Variants in DNMT3A observed in about 807,000 individuals in gnomAD.
The protein encoded by DNMT3A is DNA (cytosine-5)-methyltransferase 3A.
In DNMT3A, 267 loss-of-function variants were observed where a neutral mutation model predicts 117.6. That is an observed-to-expected ratio of 2.27 (90% CI 2.05 to 2.51). DNMT3A has a LOEUF of 2.51. DNMT3A is among the 30% of genes most tolerant of loss of function. The probability of loss-of-function intolerance (pLI) is 0.00; values close to 1 mark genes in which losing one functional copy is unlikely to be tolerated. For missense variants in DNMT3A, 1,029 were observed against 1,260.2 expected, an observed-to-expected ratio of 0.82 and a Z score of 2.78; for synonymous variants, 432 against 474.8, an observed-to-expected ratio of 0.91 and a Z score of 1.17.
In DNMT3A at chr2:25,248,100, G is replaced by A. The variant is rs756740383; in HGVS notation, c.792C>T (p.Pro264=). The part of the protein sequence containing the change: ...ASPTVATTPE[P]VGSDAGDKNA... ...TCTTGTCCCCAGCATCGGACCCCAC[G>A]GGCTCAGGCGTGGTAGCCACAGTGG... The change falls in exon 7 of 23, where the codon CCC becomes CCT. Residue 264 remains proline (P), a synonymous_variant. Coordinates refer to ENST00000321117, the MANE Select transcript of DNMT3A (RefSeq NM_022552.5). 4.0e-5 allele frequency: 64 copies of A among 1,613,156 alleles called. No homozygotes were observed. Among genetic ancestry groups the A allele is most frequent in the Non-Finnish European group, 4.4e-5 (52 of 1,179,974 alleles).
intron 6 of DNMT3A, among the ~76,000 whole-genome samples, chr2:25,271,913 G>A (rs543693212): frequency 5.3e-5 from 8 of 152,220 alleles, no homozygotes; most frequent in Non-Finnish European, 1.2e-4. Flanking sequence ...GCTGGAGCCA[G>A]GTGATGGCAA....
At chr2:25,292,634 T>C (rs532962431) in intron 3 of DNMT3A, among the ~76,000 whole-genome samples, 129 of 152,290 alleles carry the variant, frequency 8.5e-4, no homozygotes, top group Non-Finnish European at 1.5e-3. Flanking sequence ...TCCTCTGCCT[T>C]TGTCTCTGCA....
chr2:25,290,119 A>G (rs1490313265), intron 3 of DNMT3A, among the ~76,000 whole-genome samples: 2 of 152,120 alleles, frequency 1.3e-5, no homozygotes, highest in Non-Finnish European at 2.9e-5. Context: ...CTGCCACCAC[A>G]CCTAACTTTT....
intron 13 of DNMT3A, 83 bp downstream of exon 13, chr2:25,245,170 T>C: frequency 7.4e-7 from 1 of 1,356,456 alleles, no homozygotes; most frequent in Non-Finnish European, 1.0e-6. Context: ...ACCCTGTACA[T>C]GCCCAGAAGC....
chr2:25,296,644 GTGTT>G lies in DNMT3A; in HGVS notation c.177+3491_177+3494del, dbSNP rs1485049089. Among the ~76,000 whole-genome samples the G allele has an allele frequency of 6.6e-6, 1 of 152,386 alleles. No individual in the cohort carries two copies. Among genetic ancestry groups the G allele is most frequent in the East Asian group, 1.9e-4 (1 of 5,192 alleles). ...ATGGTCAGTGCTCAGGAAGTGGAAAGTGTTTGTCGTGAAGGGAGCACACTGGCCT... is the reference window on the plus strand; with the variant it reads ...ATGGTCAGTGCTCAGGAAGTGGAAAGTGTCGTGAAGGGAGCACACTGGCCT... On this transcript the variant is annotated intron_variant, in intron 3 of 22. Transcript: ENST00000321117. The surrounding 1 kb of genome is among the most constrained non-coding windows in gnomAD (Gnocchi z 4.2).
chr2:25,239,151 C>T lies in DNMT3A; in HGVS notation c.2387G>A (p.Gly796Asp), dbSNP rs781138077. 10 of 1,613,918 alleles carry T rather than the reference C, an allele frequency of 6.2e-6. No individual in the cohort carries two copies. The highest frequency in any genetic ancestry group is 1.7e-5 in the Admixed American group (1 of 59,996). The change falls in exon 20 of 23, where the codon GGT becomes GAT. Residue 796 changes from glycine to aspartate, a missense_variant. By Grantham distance (94) the Gly-to-Asp change is moderately conservative. Transcript: ENST00000321117. Reference protein sequence around the residue: ...SAAHRARYFWGNLPGMNRPLA... With the variant: ...SAAHRARYFWDNLPGMNRPLA... ...CAACCTGTTCATACCGGGAAGGTTA[C>T]CCCAGAAGTAGCGGGCCCTGTGTGC...
At chr2:25,312,410 C>T (rs1455378764) in intron 2 of DNMT3A, among the ~76,000 whole-genome samples, 1 of 152,242 alleles carries the variant, frequency 6.6e-6, no homozygotes, top group African/African-American at 2.4e-5. Context: ...CGCATGCTGG[C>T]TTTCTGACCT....
chr2:25,241,524 G>C, intron 17 of DNMT3A, 38 bp downstream of exon 17: 1 of 1,591,634 alleles, frequency 6.3e-7, no homozygotes, highest in Non-Finnish European at 8.6e-7. Context: ...AGTGTGCAGG[G>C]AGGGGAAGAC....
In DNMT3A at chr2:25,294,194, C is replaced by T. The variant is rs2032949126; in HGVS notation, c.177+5945G>A. Among the ~76,000 whole-genome samples the T allele has an allele frequency of 6.6e-6, 1 of 152,180 alleles. No individual in the cohort carries two copies. Among genetic ancestry groups the T allele is most frequent in the Non-Finnish European group, 1.5e-5 (1 of 68,028 alleles). On this transcript the variant is annotated intron_variant, in intron 3 of 22. Coordinates refer to ENST00000321117, the MANE Select transcript of DNMT3A (RefSeq NM_022552.5). This position sits in a 1 kb window ranked among gnomAD's most constrained non-coding sequence, Gnocchi z 4.7. ...GGTCAAGCCCCACCTCCTCCATCTTCCCTGGCTTCCCCGGCATCCTTAGGA... is the reference window on the plus strand; with the variant it reads ...GGTCAAGCCCCACCTCCTCCATCTTTCCTGGCTTCCCCGGCATCCTTAGGA...
At chr2:25,277,131 G>A (rs1018841966) in intron 4 of DNMT3A, among the ~76,000 whole-genome samples, 28 of 152,230 alleles carry the variant, frequency 1.8e-4, no homozygotes, top group African/African-American at 6.7e-4. Context: ...GGGCGGGGAC[G>A]GGGCGTCTTG....
intron 13 of DNMT3A, 120 bp from the exon 14 acceptor site, chr2:25,244,772 A>ATGGT: frequency 1.2e-6 from 1 of 802,034 alleles, no homozygotes; most frequent in East Asian, 2.7e-5. Context: ...CCCCGCCACC[A>ATGGT]CCTTAGCCAG....
intron 1 of DNMT3A, among the ~76,000 whole-genome samples, chr2:25,325,038 T>G (rs986661860): frequency 2.6e-5 from 4 of 152,118 alleles, no homozygotes; most frequent in African/African-American, 9.7e-5. Flanking sequence ...GGAGCACTTA[T>G]GATCACACCA....
chr2:25,316,275 A>G (rs1390282295), intron 1 of DNMT3A, among the ~76,000 whole-genome samples: 1 of 152,228 alleles, frequency 6.6e-6, no homozygotes, highest in African/African-American at 2.4e-5. Flanking sequence ...AGGAAGCTGG[A>G]GGGAAAAGCA....
At chr2:25,290,382 G>A (rs2032658873) in intron 3 of DNMT3A, among the ~76,000 whole-genome samples, 1 of 149,714 alleles carries the variant, frequency 6.7e-6, no homozygotes, top group Admixed American at 6.6e-5. Context: ...GTGCAATGGT[G>A]TGATCTCGTC....
rs2033745123 is a variant in DNMT3A, at chr2:25,305,658, C to T, written c.73-5415G>A. Among the ~76,000 whole-genome samples, 1 of 152,160 alleles carries T rather than the reference C, an allele frequency of 6.6e-6. No individual in the cohort carries two copies. Among genetic ancestry groups the T allele is most frequent in the African/African-American group, 2.4e-5 (1 of 41,432 alleles). ...AAATTTACATCTTTTGTTTACCAGT[C>T]CATCGGTCTTTCTACTGCAACATGC... is the stretch of plus-strand genomic sequence containing the variant. On this transcript the variant is annotated intron_variant, in intron 2 of 22. Coordinates refer to ENST00000321117, the MANE Select transcript of DNMT3A (RefSeq NM_022552.5). The surrounding 1 kb of genome is among the most constrained non-coding windows in gnomAD (Gnocchi z 4.1).
intron 4 of DNMT3A, among the ~76,000 whole-genome samples, chr2:25,280,432 A>T (rs941337039): frequency 6.6e-6 from 1 of 151,508 alleles, no homozygotes; most frequent in Admixed American, 6.6e-5. Flanking sequence ...GACATCTATC[A>T]GTTCCCTGGG....
intron 16 of DNMT3A, among the ~76,000 whole-genome samples, chr2:25,242,612 T>A (rs1226320218): frequency 6.6e-6 from 1 of 152,072 alleles, no homozygotes; most frequent in Non-Finnish European, 1.5e-5. Flanking sequence ...GGGGAAGCCA[T>A]CCCCTCCGCC....
intron 1 of DNMT3A, among the ~76,000 whole-genome samples, chr2:25,328,400 C>T (rs1444451359): frequency 6.6e-6 from 1 of 152,124 alleles, no homozygotes; most frequent in African/African-American, 2.4e-5. Context: ...CACCCTCTCC[C>T]ACAGGGCCCA....
At chr2:25,341,151 T>G (rs2035417767) in intron 1 of DNMT3A, among the ~76,000 whole-genome samples, 1 of 140,576 alleles carries the variant, frequency 7.1e-6, no homozygotes, top group Non-Finnish European at 1.6e-5. Flanking sequence ...CCATCACCCC[T>G]CGGCCCGCCC....
Sources: allele counts gnomAD v4.1 joint callset (sites outside exome capture counted in the v4.1 genomes callset), GRCh38; gene constraint gnomAD v4.1.1; non-coding constraint Gnocchi (gnomAD v3.1); transcripts MANE v1.5; gene names NCBI Gene and HGNC (gene_info 2026-07-23, HGNC 2026-07-21).